The following TMEM116 variants were observed in gnomAD, a reference collection of about 807,000 sequenced individuals.
The protein encoded by TMEM116 is transmembrane protein 116.
In TMEM116, 38 loss-of-function variants were observed where a neutral mutation model predicts 44.3. The ratio of observed to expected loss-of-function variants is 0.86; its 90% CI spans 0.66 to 1.12. TMEM116 has a LOEUF of 1.12. Among genes scored for constraint, TMEM116 ranks in the 50% most tolerant of loss-of-function variants. TMEM116 has a pLI of 0.00. For missense variants in TMEM116, 354 were observed against 401.7 expected, an observed-to-expected ratio of 0.88 and a Z score of 1.01; for synonymous variants, 132 against 144.8, an observed-to-expected ratio of 0.91 and a Z score of 0.64.
At chr12:112,003,643 C>G (rs2077408010) in intron 3 of TMEM116, 157 bp downstream of exon 3, 2 of 878,188 alleles carry the variant, frequency 2.3e-6, no homozygotes, top group Non-Finnish European at 3.2e-6. Context: ...GAAAAGGGAG[C>G]CCTACTGACC....
chr12:111,987,407 A>G (rs574024762), intron 4 of TMEM116, among the ~76,000 whole-genome samples: 1 of 151,874 alleles, frequency 6.6e-6, no homozygotes, highest in Admixed American at 6.6e-5. Flanking sequence ...CAGGAGTCTG[A>G]GGCAGGAGAA....
At chr12:111,965,132 A>T (rs1195792195) in intron 4 of TMEM116, among the ~76,000 whole-genome samples, 1 of 152,216 alleles carries the variant, frequency 6.6e-6, no homozygotes, top group African/African-American at 2.4e-5. Flanking sequence ...CCAAAAGTCT[A>T]GGACCTCTTC....
At chr12:111,961,069 C>G (rs1223068615) in intron 4 of TMEM116, among the ~76,000 whole-genome samples, 1 of 152,036 alleles carries the variant, frequency 6.6e-6, no homozygotes, top group Non-Finnish European at 1.5e-5. Context: ...AACTAGAAAA[C>G]CTAGAAGAAA....
At chr12:111,985,011 A>C (rs1233645918) in intron 4 of TMEM116, among the ~76,000 whole-genome samples, 2 of 152,104 alleles carry the variant, frequency 1.3e-5, no homozygotes, top group African/African-American at 4.8e-5. Flanking sequence ...TCTTTTACTC[A>C]TACTCAATGA....
intron 4 of TMEM116, among the ~76,000 whole-genome samples, chr12:111,968,532 C>G (rs1446773589): frequency 6.6e-6 from 1 of 151,816 alleles, no homozygotes; most frequent in Non-Finnish European, 1.5e-5. Context: ...ACCAGTCATA[C>G]AAAGAAAAAG....
chr12:111,974,839 T>G (rs898921790), intron 4 of TMEM116, among the ~76,000 whole-genome samples: 2 of 152,084 alleles, frequency 1.3e-5, no homozygotes, highest in Non-Finnish European at 2.9e-5. Flanking sequence ...TATATAAAAA[T>G]GTATTTTATT....
intron 4 of TMEM116, among the ~76,000 whole-genome samples, chr12:111,977,255 A>G (rs2075719965): frequency 6.6e-6 from 1 of 152,170 alleles, no homozygotes; most frequent in Non-Finnish European, 1.5e-5. Context: ...AGAAACAGGG[A>G]TAAGAATTAT....
At chr12:111,993,923 TTGTC>T (rs1445385612) in intron 3 of TMEM116, 7 of 694,680 alleles carry the variant, frequency 1.0e-5, no homozygotes, top group Admixed American at 3.6e-5. Context: ...AAGGGAATGT[TTGTC>T]TGTATCATTA....
chr12:111,942,814 G>A (rs1052727008), intron 5 of TMEM116, among the ~76,000 whole-genome samples: 1 of 151,970 alleles, frequency 6.6e-6, no homozygotes, highest in Non-Finnish European at 1.5e-5. Flanking sequence ...ATGTGTGTGT[G>A]AGAGAGAGAA....
At chr12:111,952,062 C>T (rs2073774903) in intron 4 of TMEM116, among the ~76,000 whole-genome samples, 1 of 151,964 alleles carries the variant, frequency 6.6e-6, no homozygotes, top group Non-Finnish European at 1.5e-5. Context: ...AACCCCATTT[C>T]TACTAAAAAT....
chr12:112,005,893 A>G (rs79248410), intron 1 of TMEM116: 1 of 971,072 alleles, frequency 1.0e-6, no homozygotes, highest in Admixed American at 6.2e-5. Context: ...AAAATGCAGA[A>G]CAGGAAAGAA....
intron 4 of TMEM116, among the ~76,000 whole-genome samples, chr12:111,990,326 T>C (rs1196755333): frequency 1.3e-5 from 2 of 152,028 alleles, no homozygotes; most frequent in African/African-American, 4.8e-5. Context: ...ATGAACATTT[T>C]ACAGATTAGG....
chr12:111,991,617 T>A, intron 4 of TMEM116, 141 bp downstream of exon 4: 1 of 799,016 alleles, frequency 1.3e-6, no homozygotes, highest in South Asian at 2.7e-5. Flanking sequence ...GTTTTTAATA[T>A]GAAAAAAGAT....
At chr12:111,956,692 T>C (rs1222717491) in intron 4 of TMEM116, among the ~76,000 whole-genome samples, 1 of 152,150 alleles carries the variant, frequency 6.6e-6, no homozygotes, top group Non-Finnish European at 1.5e-5. Context: ...TTTCGTATTT[T>C]TTGGTGGAGA....
Position 111,985,980 on chromosome 12 carries a change from CT to C in TMEM116, c.210+5777del, listed in dbSNP as rs369170114. On this transcript the variant is annotated intron_variant, in intron 4 of 10. Transcript: ENST00000552374. ...GCAATCCCTATCAAAATCCCAACAA[CT>C]TTTTTTTTTTGCAGAAATAAAATAT... 9.1e-3 allele frequency among the ~76,000 whole-genome samples: 1,336 copies of C among 147,176 alleles called. 14 individuals carry two copies. The highest frequency in any genetic ancestry group is 0.03 in the African/African-American group (1,204 of 40,498).
At chr12:111,979,604 G>T (rs916408346) in intron 4 of TMEM116, among the ~76,000 whole-genome samples, 7 of 152,110 alleles carry the variant, frequency 4.6e-5, no homozygotes, top group African/African-American at 1.7e-4. Context: ...CACTTAAAAA[G>T]CTGTTACATA....
intron 4 of TMEM116, among the ~76,000 whole-genome samples, chr12:111,962,417 C>T (rs1426473894): frequency 1.3e-5 from 2 of 152,164 alleles, no homozygotes; most frequent in African/African-American, 4.8e-5. Context: ...TCAAACTATA[C>T]TACAAAGCTA....
At chr12:111,987,029 A>C (rs1433017871) in intron 4 of TMEM116, among the ~76,000 whole-genome samples, 1 of 152,236 alleles carries the variant, frequency 6.6e-6, no homozygotes, top group Non-Finnish European at 1.5e-5. Context: ...CACAAGCAAC[A>C]AAAGAAAAAA....
rs531368410 is a variant in TMEM116 at position 111,974,636 on chromosome 12, C to T, written c.210+17122G>A. On this transcript the variant is annotated intron_variant, in intron 4 of 10. Coordinates refer to ENST00000552374, the MANE Select transcript of TMEM116 (RefSeq NM_001193531.2). ...CACCGCTGCACTCCAGCCTAGGCGA[C>T]AGAGTGAGACTCTGTCGCAAAAAAA... Among the ~76,000 whole-genome samples the T allele has an allele frequency of 2.2e-4, 30 of 134,422 alleles. 3 individuals carry two copies. The South Asian group carries it at 6.4e-3, about 29-fold the overall frequency. The allele number at this position is 134,422 out of a possible 152,430, so 88.2% of individuals were successfully genotyped here. A position where few individuals can be genotyped will look rare whatever the true frequency, so the allele number is the denominator to read the frequency against.
Sources: allele counts gnomAD v4.1 joint callset (sites outside exome capture counted in the v4.1 genomes callset), GRCh38; gene constraint gnomAD v4.1.1; transcripts MANE v1.5; gene names NCBI Gene and HGNC (gene_info 2026-07-23, HGNC 2026-07-21).